The following MYOF variants were observed in gnomAD, a reference collection of about 807,000 sequenced individuals.
MYOF encodes the protein myoferlin.
A neutral mutation model predicts 284.2 loss-of-function variants in MYOF; 244 were observed. That is an observed-to-expected ratio of 0.86 (90% CI 0.77 to 0.95). MYOF has a LOEUF of 0.95. Among genes scored for constraint, MYOF ranks in the 40% least tolerant of loss-of-function variants. The probability of loss-of-function intolerance (pLI) is 0.00; values close to 1 mark genes in which losing one functional copy is unlikely to be tolerated. For missense variants in MYOF, 2,496 were observed against 2,560.6 expected, an observed-to-expected ratio of 0.97 and a Z score of 0.54; for synonymous variants, 904 against 919.7, an observed-to-expected ratio of 0.98 and a Z score of 0.31.
chr10:93,398,524 C>A (rs779801582), intron 13 of MYOF, among the ~76,000 whole-genome samples: 2 of 152,126 alleles, frequency 1.3e-5, no homozygotes, highest in Non-Finnish European at 2.9e-5. Flanking sequence ...ATGAATCAAA[C>A]CTCTCAACAA....
chr10:93,364,883 T>C (rs780766690), intron 26 of MYOF, among the ~76,000 whole-genome samples: 4 of 152,198 alleles, frequency 2.6e-5, no homozygotes, highest in Non-Finnish European at 5.9e-5. Flanking sequence ...CAATCACTTA[T>C]ATGAATTGGG....
At chr10:93,434,384 T>G (rs1237387878) in intron 3 of MYOF, among the ~76,000 whole-genome samples, 3 of 144,118 alleles carry the variant, frequency 2.1e-5, no homozygotes, top group Admixed American at 7.3e-5. Context: ...TGAGCCAAGA[T>G]CAGGCCACTG....
At chr10:93,401,801 G>T (rs1294473649) in intron 11 of MYOF, among the ~76,000 whole-genome samples, 2 of 69,682 alleles carry the variant, frequency 2.9e-5, no homozygotes, top group African/African-American at 7.2e-5. Flanking sequence ...GCGTGTGTGT[G>T]TGTGTGTGTG....
chr10:93,352,801 G>GTT (rs59848150), intron 32 of MYOF, among the ~76,000 whole-genome samples: 1 of 152,102 alleles, frequency 6.6e-6, no homozygotes, highest in African/African-American at 2.4e-5. Flanking sequence ...TTGGAAAGAT[G>GTT]TTTTTTTAAC....
rs1367303036 is a variant in MYOF, at chr10:93,482,290, C to G, written c.-96G>C. On this transcript the variant is annotated 5_prime_UTR_variant, in exon 1 of 54. Transcript: ENST00000359263. Reference sequence around the variant, plus strand: ...ACCGCCCTGGGAGAGAAGTTCTCTCCCAGTGAAGGGAGGATTTCTCCCAGG... The same window carrying G: ...ACCGCCCTGGGAGAGAAGTTCTCTCGCAGTGAAGGGAGGATTTCTCCCAGG... 1 of 1,046,330 alleles carries G rather than the reference C, an allele frequency of 9.6e-7. No homozygotes were observed. The highest frequency in any genetic ancestry group is 1.4e-6 in the Non-Finnish European group (1 of 695,126). 64.8% of individuals were successfully genotyped at this position (1,046,330 alleles called of 1,614,324 possible). A position where few individuals can be genotyped will look rare whatever the true frequency, so the allele number is the denominator to read the frequency against.
At chr10:93,465,569 C>T (rs1249222678) in intron 1 of MYOF, among the ~76,000 whole-genome samples, 7 of 105,932 alleles carry the variant, frequency 6.6e-5, no homozygotes, top group African/African-American at 2.5e-4. Context: ...GACTGGAGTG[C>T]AGTGGCACAA....
chr10:93,352,750 AGGAATGTGCT>A (rs1325699414), intron 32 of MYOF, among the ~76,000 whole-genome samples: 2 of 152,212 alleles, frequency 1.3e-5, no homozygotes, highest in African/African-American at 4.8e-5. Context: ...TCAAACTGCA[AGGAATGTGCT>A]TAGAGTTTTA....
intron 12 of MYOF, among the ~76,000 whole-genome samples, chr10:93,399,854 G>C (rs1420174674): frequency 1.4e-5 from 2 of 145,772 alleles, no homozygotes; most frequent in Admixed American, 7.2e-5. Flanking sequence ...CCTGGTGACA[G>C]AGCAAGACTC....
At chr10:93,474,547 C>T (rs569381270) in intron 1 of MYOF, among the ~76,000 whole-genome samples, 2 of 152,212 alleles carry the variant, frequency 1.3e-5, no homozygotes, top group African/African-American at 4.8e-5. Flanking sequence ...GTCACCTAGG[C>T]CTGAAAATCC....
chr10:93,385,527 G>A (rs1846322146), intron 19 of MYOF, among the ~76,000 whole-genome samples: 2 of 152,228 alleles, frequency 1.3e-5, no homozygotes, highest in South Asian at 4.1e-4. Context: ...GAGCATGTTT[G>A]TAGGTTGACT....
chr10:93,429,849 A>T (rs1319010677), intron 4 of MYOF, among the ~76,000 whole-genome samples: 1 of 152,186 alleles, frequency 6.6e-6, no homozygotes, highest in Non-Finnish European at 1.5e-5. Context: ...GACTTGCGAC[A>T]CTTGAGTCAT....
At position 93,347,746 on chromosome 10, in the gene MYOF, C is replaced by G. The variant is rs781641432; in HGVS notation, c.4120G>C (p.Val1374Leu). Residue 1374 changes from valine to leucine, a missense_variant, in exon 37 of 54, where the codon GTG becomes CTG. By Grantham distance (32) the Val-to-Leu change is conservative. Around this residue, in one of 3 missense-constraint regions of MYOF, gnomAD observed 2,436 missense variants for 2,480.7 expected, o/e 0.98. Transcript: ENST00000359263. ...PKEELYMPPL[V>L]IKVIDHRQFG... Reference sequence around the variant, plus strand: ...TGCCTGTGGTCGATGACCTTGATCACCAGTGGGGGCATGTACAATTCCTCC... The same window carrying G: ...TGCCTGTGGTCGATGACCTTGATCAGCAGTGGGGGCATGTACAATTCCTCC... 1 of 1,613,956 alleles carries G rather than the reference C, an allele frequency of 6.2e-7. No individual in the cohort carries two copies. The highest frequency in any genetic ancestry group is 1.7e-5 in the Admixed American group (1 of 59,994).
intron 45 of MYOF, among the ~76,000 whole-genome samples, chr10:93,326,767 GGCAT>G (rs1843066143): frequency 6.6e-6 from 1 of 152,026 alleles, no homozygotes; most frequent in African/African-American, 2.4e-5. Context: ...TGGGATTACA[GGCAT>G]GTGCCACCAC....
intron 25 of MYOF, among the ~76,000 whole-genome samples, chr10:93,369,258 G>GGTGTGTGTATGTGTGC (rs1554847567): frequency 0.097 from 10,995 of 113,270 alleles, 539 homozygotes; most frequent in African/African-American, 0.19. Context: ...CTCCTGGGTT[G>GGTGTGTGTATGTGTGC]GTGTGTGTGT....
At chr10:93,386,283 C>T (rs967015154) in intron 19 of MYOF, among the ~76,000 whole-genome samples, 46 of 152,138 alleles carry the variant, frequency 3.0e-4, no homozygotes, top group African/African-American at 1.1e-3. Context: ...CACTCTCCCG[C>T]CCTCTTTTTT....
At chr10:93,335,239 T>C (rs1589405672) in intron 41 of MYOF, among the ~76,000 whole-genome samples, 1 of 152,068 alleles carries the variant, frequency 6.6e-6, no homozygotes, top group Non-Finnish European at 1.5e-5. Flanking sequence ...CTCCGACTTA[T>C]TGAGAGGACA....
At chr10:93,362,531 C>A (rs568794850) in intron 27 of MYOF, among the ~76,000 whole-genome samples, 1 of 152,114 alleles carries the variant, frequency 6.6e-6, no homozygotes, top group East Asian at 1.9e-4. Context: ...AGGTGTGACC[C>A]ACCACACCCG....
rs1268343609 is a variant in MYOF at position 93,351,789 on chromosome 10, G to A, written c.3539C>T (p.Ser1180Leu). The change falls in exon 33 of 54, where the codon TCA (serine) becomes TTA (leucine). Residue 1180 changes from serine (S) to leucine (L), a missense_variant. Ser to Leu is a moderately radical substitution (Grantham distance 145). This residue lies in a region of MYOF where 2,436 missense variants were observed against 2,480.7 expected (regional missense o/e 0.98). Transcript: ENST00000359263. ...HRSKTTEIIH[S>L]TLNPTWDQTI... is the part of the protein sequence containing the mutation. ...TTGGTCCCACGTGGGATTCAGGGTT[G>A]AATGGATGATCTCAGTGGTTTTGCT... is the stretch of plus-strand genomic sequence containing the variant. The A allele has an allele frequency of 6.3e-7, 1 of 1,596,566 alleles. No homozygotes were observed. The highest frequency in any genetic ancestry group is 1.9e-5 in the Admixed American group (1 of 53,568).
At position 93,411,896 on chromosome 10, in the gene MYOF, TC is replaced by T. The variant is rs1472199991; in HGVS notation, c.434-2158del. Among the ~76,000 whole-genome samples, 12 of 152,286 alleles carry T rather than the reference TC, an allele frequency of 7.9e-5. 1 individual carries two copies. The South Asian group carries it at 2.5e-3, about 32-fold the overall frequency. On this transcript the variant is annotated intron_variant, in intron 5 of 53. Transcript: ENST00000359263. ...TATTTTTAGATCATTGCAGCTCTCC[TC>T]CCCCGATCTGCTTTTTCAGGTTCTT...
Sources: allele counts gnomAD v4.1 joint callset (sites outside exome capture counted in the v4.1 genomes callset), GRCh38; gene constraint gnomAD v4.1.1; regional missense constraint gnomAD v4.1.1; transcripts MANE v1.5; gene names NCBI Gene and HGNC (gene_info 2026-07-23, HGNC 2026-07-21).